DLGAP1: variants seen among roughly 807,000 people sequenced by gnomAD.
DLGAP1 encodes disks large-associated protein 1.
Under a neutral mutation model 90.8 loss-of-function variants are expected in DLGAP1, and 11 were observed. The observed-to-expected ratio is 0.12, with a 90% CI of 0.08 to 0.20. The LOEUF (loss-of-function observed/expected upper bound fraction) is 0.20, where lower values mean the gene tolerates loss of function less well. Among genes scored for constraint, DLGAP1 ranks in the 10% least tolerant of loss-of-function variants. The probability of loss-of-function intolerance (pLI) is 1.00; values close to 1 mark genes in which losing one functional copy is unlikely to be tolerated. For missense variants in DLGAP1, 1,050 were observed against 1,333.8 expected, an observed-to-expected ratio of 0.79 and a Z score of 3.31; for synonymous variants, 558 against 540.7, an observed-to-expected ratio of 1.03 and a Z score of -0.44.
intron 7 of DLGAP1, among the ~76,000 whole-genome samples, chr18:3,679,635 T>C (rs2060437837): frequency 6.8e-6 from 1 of 146,516 alleles, no homozygotes. Context: ...TCCGTGGTAG[T>C]TTGGCTCTAA....
intron 10 of DLGAP1, among the ~76,000 whole-genome samples, chr18:3,525,015 TA>T (rs1344547133): frequency 6.6e-6 from 1 of 151,864 alleles, no homozygotes; most frequent in Non-Finnish European, 1.5e-5. Flanking sequence ...ACTTGGTGGC[TA>T]ATGAATAAAG....
Position 4,432,588 on chromosome 18 carries a change from TAGTG to T in DLGAP1, c.-267+22414_-267+22417del, listed in dbSNP as rs1325370145. ...AAGCTAACACATCCATCACCTCACA[TAGTG>T]TGTGTGTGTGTGTGTGTGTGTGTGT... On this transcript the variant is annotated intron_variant, in intron 1 of 12. Coordinates refer to ENST00000315677, the MANE Select transcript of DLGAP1 (RefSeq NM_004746.4). Among the ~76,000 whole-genome samples the T allele has an allele frequency of 3.0e-3, 210 of 69,010 alleles. 1 individual carries two copies. Among genetic ancestry groups the T allele is most frequent in the African/African-American group, 8.4e-3 (172 of 20,366 alleles). The allele number at this position is 69,010 out of a possible 152,430, so 45.3% of individuals were successfully genotyped here.
At chr18:4,142,140 A>G (rs913493289) in intron 2 of DLGAP1, among the ~76,000 whole-genome samples, 1 of 152,178 alleles carries the variant, frequency 6.6e-6, no homozygotes, top group Non-Finnish European at 1.5e-5. Flanking sequence ...GCATAGTCAA[A>G]TGTTGTCCTT....
chr18:3,774,606 T>C (rs555648629), intron 5 of DLGAP1: 4 of 152,334 alleles, frequency 2.6e-5, no homozygotes, highest in African/African-American at 7.2e-5. Context: ...TGGGGGATAG[T>C]GGTGGTGGGC....
intron 2 of DLGAP1, among the ~76,000 whole-genome samples, chr18:4,048,743 G>A (rs2075091321): frequency 6.6e-6 from 1 of 152,266 alleles, no homozygotes; most frequent in South Asian, 2.1e-4. Flanking sequence ...TAGTTGCCAA[G>A]GCAAAAGCAG....
chr18:3,899,717 C>T (rs62083565), intron 3 of DLGAP1, among the ~76,000 whole-genome samples: 7,899 of 152,218 alleles, frequency 0.052, 313 homozygotes, highest in Non-Finnish European at 0.067. Context: ...TCCCACTTTC[C>T]GCCAGTGTGA....
chr18:4,030,554 T>G (rs549191943), intron 2 of DLGAP1, among the ~76,000 whole-genome samples: 1 of 143,112 alleles, frequency 7.0e-6, no homozygotes, highest in East Asian at 2.2e-4. Flanking sequence ...TGAGGCCTCT[T>G]GTTTTGGATT....
chr18:3,544,544 T>G (rs1303221010), intron 9 of DLGAP1, among the ~76,000 whole-genome samples: 1 of 152,154 alleles, frequency 6.6e-6, no homozygotes, highest in African/African-American at 2.4e-5. Flanking sequence ...TCCAAAAATT[T>G]GGGGATTTTC....
rs972889411 is a variant in DLGAP1, at chr18:3,565,062, T to C, written c.2057+2428A>G. ...AGTTAGTAAGGGGCACAGCCAGGATTTGGTGTTCTGGCTCAAGAGTCTGTG... is the reference window on the plus strand; with the variant it reads ...AGTTAGTAAGGGGCACAGCCAGGATCTGGTGTTCTGGCTCAAGAGTCTGTG... On this transcript the variant is annotated intron_variant, in intron 9 of 12. Coordinates refer to ENST00000315677, the MANE Select transcript of DLGAP1 (RefSeq NM_004746.4). The surrounding 1 kb of genome is among the most constrained non-coding windows in gnomAD (Gnocchi z 4.0). Among the ~76,000 whole-genome samples the C allele has an allele frequency of 2.0e-5, 3 of 152,190 alleles. No individual in the cohort carries two copies. Among genetic ancestry groups the C allele is most frequent in the African/African-American group, 7.2e-5 (3 of 41,444 alleles).
chr18:3,842,906 A>G (rs533196621), intron 4 of DLGAP1, among the ~76,000 whole-genome samples: 1 of 152,310 alleles, frequency 6.6e-6, no homozygotes, highest in Admixed American at 6.5e-5. Context: ...GTGATACTTT[A>G]GTTCTCTCTC....
chr18:4,244,991 A>T (rs1598713479), intron 1 of DLGAP1, among the ~76,000 whole-genome samples: 1 of 152,292 alleles, frequency 6.6e-6, no homozygotes, highest in Middle Eastern at 3.4e-3. Context: ...TCTTGTTATA[A>T]ATATAGCAAG....
chr18:3,788,367 C>T (rs1324555366), intron 5 of DLGAP1, among the ~76,000 whole-genome samples: 1 of 152,030 alleles, frequency 6.6e-6, no homozygotes, highest in African/African-American at 2.4e-5. Flanking sequence ...TTGCCTCATT[C>T]CCCCCTGCTT....
chr18:3,858,477 C>CATATAT (rs141028503), intron 4 of DLGAP1, among the ~76,000 whole-genome samples: 4 of 147,312 alleles, frequency 2.7e-5, no homozygotes, highest in African/African-American at 7.5e-5. Context: ...AAAAGGGAAA[C>CATATAT]ATATATATAT....
intron 4 of DLGAP1, among the ~76,000 whole-genome samples, chr18:3,858,467 A>T (rs1157080395): frequency 1.0e-5 from 1 of 99,916 alleles, no homozygotes; most frequent in Non-Finnish European, 2.0e-5. Context: ...CATATACAAC[A>T]AAAGGGAAAC....
intron 2 of DLGAP1, among the ~76,000 whole-genome samples, chr18:4,093,885 TC>T (rs2075629105): frequency 6.6e-6 from 1 of 152,204 alleles, no homozygotes; most frequent in Non-Finnish European, 1.5e-5. Flanking sequence ...CTTCTCTCCC[TC>T]ACGCTTTTGA....
At chr18:4,387,395 C>T (rs868123085) in intron 1 of DLGAP1, among the ~76,000 whole-genome samples, 3 of 152,060 alleles carry the variant, frequency 2.0e-5, no homozygotes, top group East Asian at 1.9e-4. Flanking sequence ...TGTGACCAGA[C>T]GATGATTTTA....
intron 3 of DLGAP1, among the ~76,000 whole-genome samples, chr18:3,885,785 G>A (rs926994354): frequency 5.9e-5 from 9 of 152,196 alleles, no homozygotes; most frequent in African/African-American, 2.2e-4. Flanking sequence ...TGTTGACTCT[G>A]TTTGCAGCCA....
intron 1 of DLGAP1, among the ~76,000 whole-genome samples, chr18:4,335,320 C>T (rs1351932760): frequency 6.6e-6 from 1 of 151,940 alleles, no homozygotes; most frequent in African/African-American, 2.4e-5. Flanking sequence ...TTACCTCCCT[C>T]CCACCTTCCA....
At chr18:4,230,488 G>T (rs1568462213) in intron 1 of DLGAP1, among the ~76,000 whole-genome samples, 1 of 152,016 alleles carries the variant, frequency 6.6e-6, no homozygotes, top group Non-Finnish European at 1.5e-5. Flanking sequence ...CAACAACATA[G>T]ATGGAACTGG....
Sources: allele counts gnomAD v4.1 joint callset (sites outside exome capture counted in the v4.1 genomes callset), GRCh38; gene constraint gnomAD v4.1.1; non-coding constraint Gnocchi (gnomAD v3.1); transcripts MANE v1.5; gene names NCBI Gene and HGNC (gene_info 2026-07-23, HGNC 2026-07-21).